Variants in ENTPD1 observed in about 807,000 individuals in gnomAD.
ENTPD1 encodes the protein ectonucleoside triphosphate diphosphohydrolase 1, also known as ATP diphosphohydrolase.
Under a neutral mutation model 57.0 loss-of-function variants are expected in ENTPD1, and 33 were observed. The observed-to-expected ratio is 0.58, with a 90% CI of 0.44 to 0.77. The LOEUF (loss-of-function observed/expected upper bound fraction) is 0.77. Ranked by LOEUF, ENTPD1 falls within the 30% of genes least tolerant of loss-of-function variation. ENTPD1 has a pLI of 0.00. For missense variants in ENTPD1, 501 were observed against 603.4 expected (o/e 0.83, Z 1.78); for synonymous variants, 202 against 218.8 (o/e 0.92, Z 0.68).
chr10:95,866,044 C>CA (rs1229423399), intron 9 of ENTPD1, 133 bp from the exon 10 acceptor site: 4 of 1,276,856 alleles, frequency 3.1e-6, no homozygotes, highest in Non-Finnish European at 4.4e-6. Flanking sequence ...AGATTACAGG[C>CA]ATGAGCCACT....
intron 1 of ENTPD1, among the ~76,000 whole-genome samples, chr10:95,748,017 A>G (rs1384769952): frequency 6.6e-6 from 1 of 151,816 alleles, no homozygotes; most frequent in Non-Finnish European, 1.5e-5. Context: ...GATTACAGGC[A>G]TGCGCCACCA....
rs897743446 is a variant in ENTPD1 at position 95,868,301 on chromosome 10, C to G, written c.*1918C>G. 4 of 985,304 alleles carry G rather than the reference C, an allele frequency of 4.1e-6. No individual in the cohort carries two copies. The African/African-American group carries it at 7.0e-5, about 17-fold the overall frequency. The allele number at this position is 985,304 out of a possible 1,614,324, so 61.0% of individuals were successfully genotyped here. ...ATGCACTTAAAACTCCACATGAATA[C>G]AAGGTTCATGGGACTTGGTATTCAT... On this transcript the variant is annotated 3_prime_UTR_variant, in exon 10 of 10. Transcript: ENST00000371205.
rs1045986810 is a variant in ENTPD1, at chr10:95,762,659, G to T, written c.16+6404G>T. Among the ~76,000 whole-genome samples, 16 of 151,846 alleles carry T rather than the reference G, an allele frequency of 1.1e-4. 1 individual carries two copies. Among genetic ancestry groups the T allele is most frequent in the Admixed American group, 1.1e-3 (16 of 15,238 alleles). ...GTTTCCATTTCCAATAAATGTCTTTGTGCAGGAAGTTTTTTCCATATGTAG... is the reference window on the plus strand; with the variant it reads ...GTTTCCATTTCCAATAAATGTCTTTTTGCAGGAAGTTTTTTCCATATGTAG... On this transcript the variant is annotated intron_variant, in intron 1 of 9. Transcript: ENST00000371205.
At position 95,869,772 on chromosome 10, in the gene ENTPD1, G is replaced by A. The variant is rs1045232142; in HGVS notation, c.*3389G>A. 48 of 810,408 alleles carry A rather than the reference G, an allele frequency of 5.9e-5. No individual in the cohort carries two copies. Among genetic ancestry groups the A allele is most frequent in the Non-Finnish European group, 7.0e-5 (47 of 670,648 alleles). The allele number at this position is 810,408 out of a possible 1,614,324, so 50.2% of individuals were successfully genotyped here. ...CACTCAAACTGGGTAACACAGGAGA[G>A]TTTTCAGAAAGCAACTAAATCCAAA... On this transcript the variant is annotated 3_prime_UTR_variant, in exon 10 of 10. Coordinates refer to ENST00000371205, the MANE Select transcript of ENTPD1 (RefSeq NM_001776.6).
chr10:95,863,598 G>C (rs1352411214), intron 8 of ENTPD1, among the ~76,000 whole-genome samples: 1 of 152,164 alleles, frequency 6.6e-6, no homozygotes, highest in Non-Finnish European at 1.5e-5. Flanking sequence ...GCAAGACAAG[G>C]CAGTCTAGTT....
intron 1 of ENTPD1, among the ~76,000 whole-genome samples, chr10:95,748,032 C>T (rs1434112323): frequency 7.2e-5 from 11 of 151,992 alleles, no homozygotes; most frequent in South Asian, 2.1e-4. Flanking sequence ...CCACCATGCC[C>T]GGCTAATTTT....
At chr10:95,830,161 C>T (rs1356143057) in intron 2 of ENTPD1, among the ~76,000 whole-genome samples, 1 of 152,126 alleles carries the variant, frequency 6.6e-6, no homozygotes, top group Non-Finnish European at 1.5e-5. Flanking sequence ...TGGACTAAGA[C>T]AAATGGTAAG....
At chr10:95,729,354 G>A (rs1435038069) in intron 1 of ENTPD1, among the ~76,000 whole-genome samples, 1 of 152,188 alleles carries the variant, frequency 6.6e-6, no homozygotes, top group African/African-American at 2.4e-5. Context: ...TTATTGGGAA[G>A]GAGGTTCTAC....
At chr10:95,822,778 G>A (rs1309804622) in intron 1 of ENTPD1, among the ~76,000 whole-genome samples, 1 of 152,220 alleles carries the variant, frequency 6.6e-6, no homozygotes, top group Non-Finnish European at 1.5e-5. Context: ...GGGTATGTAT[G>A]TCAAGCCAGG....
At chr10:95,728,436 T>G (rs1034042958) in intron 1 of ENTPD1, among the ~76,000 whole-genome samples, 2 of 152,210 alleles carry the variant, frequency 1.3e-5, no homozygotes, top group African/African-American at 4.8e-5. Context: ...CCATCTGAAA[T>G]GGTGGGCAGC....
chr10:95,704,043 A>G, the ENTPD1 span, among the ~76,000 whole-genome samples: 1 of 152,136 alleles, frequency 6.6e-6, no homozygotes, highest in African/African-American at 2.4e-5. Context: ...GTGAGCTGAG[A>G]TCACGCCACT....
chr10:95,778,648 C>T (rs1685848033), intron 1 of ENTPD1, among the ~76,000 whole-genome samples: 1 of 152,038 alleles, frequency 6.6e-6, no homozygotes, highest in Admixed American at 6.5e-5. Flanking sequence ...TTGGTTATTA[C>T]TGTTTAAATT....
At position 95,868,360 on chromosome 10, in the gene ENTPD1, T is replaced by G; in HGVS notation, c.*1977T>G. 1.0e-6 allele frequency: 1 copy of G among 985,466 alleles called. No homozygotes were observed. The highest frequency in any genetic ancestry group is 1.2e-6 in the Non-Finnish European group (1 of 829,948). 61.0% of individuals were successfully genotyped at this position (985,466 alleles called of 1,614,324 possible). On this transcript the variant is annotated 3_prime_UTR_variant, in exon 10 of 10. Coordinates refer to ENST00000371205, the MANE Select transcript of ENTPD1 (RefSeq NM_001776.6). ...AGGCAGAAAGCTGGTCTGTTCCTGA[T>G]AGGCTTGTAATTTAATATCATTCTG...
chr10:95,830,532 G>A (rs996421640), intron 2 of ENTPD1, among the ~76,000 whole-genome samples: 3 of 152,208 alleles, frequency 2.0e-5, no homozygotes, highest in African/African-American at 4.8e-5. Flanking sequence ...ATCACCGGGC[G>A]TGGTGGCTCA....
intron 1 of ENTPD1, among the ~76,000 whole-genome samples, chr10:95,724,026 G>A (rs1354878201): frequency 6.6e-6 from 1 of 151,986 alleles, no homozygotes; most frequent in Non-Finnish European, 1.5e-5. Context: ...GCTGGGTGTT[G>A]TGGTGGACAC....
upstream of ENTPD1, chr10:95,754,520 C>T (rs1354931440): frequency 6.6e-6 from 1 of 152,096 alleles, no homozygotes. Context: ...CTGTAATTCG[C>T]ACACTATTTT....
intron 1 of ENTPD1, among the ~76,000 whole-genome samples, chr10:95,728,907 T>C (rs1466711426): frequency 5.9e-5 from 9 of 152,214 alleles, no homozygotes; most frequent in African/African-American, 9.6e-5. Context: ...TAAGTTTTGA[T>C]AAATTTTAAC....
intron 1 of ENTPD1, among the ~76,000 whole-genome samples, chr10:95,802,834 C>A (rs1267229337): frequency 6.6e-6 from 1 of 152,202 alleles, no homozygotes; most frequent in Non-Finnish European, 1.5e-5. Flanking sequence ...ATATGTGCCA[C>A]ATTTTTTTAA....
chr10:95,700,559 G>A, the ENTPD1 span, among the ~76,000 whole-genome samples: 1 of 151,956 alleles, frequency 6.6e-6, no homozygotes, highest in South Asian at 2.1e-4. Context: ...ATGGTGGCAC[G>A]TGCCTATAGT....
Sources: gnomAD v4.1 joint callset for allele counts (sites outside exome capture counted in the v4.1 genomes callset) on GRCh38, gnomAD v4.1.1 for gene constraint, MANE v1.5 for transcripts, NCBI Gene and HGNC (gene_info 2026-07-23, HGNC 2026-07-21) for gene names.